The following DPYSL2 variants were observed in gnomAD, a reference collection of about 807,000 sequenced individuals.
DPYSL2 encodes dihydropyrimidinase-related protein 2.
A neutral mutation model predicts 69.9 loss-of-function variants in DPYSL2; 13 were observed. That is an observed-to-expected ratio of 0.19 (90% confidence interval 0.12 to 0.30). The LOEUF (loss-of-function observed/expected upper bound fraction) is 0.30. Among genes scored for constraint, DPYSL2 ranks in the 10% least tolerant of loss-of-function variants. DPYSL2 has a pLI of 1.00. For synonymous variants in DPYSL2, 326 were observed against 359.1 expected, an observed-to-expected ratio of 0.91 and a Z score of 1.04; for missense variants, 587 against 918.9, an observed-to-expected ratio of 0.64 and a Z score of 4.67.
At chr8:26,638,260 T>C (rs1802962174) in intron 8 of DPYSL2, among the ~76,000 whole-genome samples, 1 of 152,146 alleles carries the variant, frequency 6.6e-6, no homozygotes, top group African/African-American at 2.4e-5. Flanking sequence ...GGGGTACAAG[T>C]CAGGAGAGGT....
intron 1 of DPYSL2, among the ~76,000 whole-genome samples, chr8:26,537,629 C>CACACACACAT (rs1298666232): frequency 6.6e-6 from 1 of 151,966 alleles, no homozygotes; most frequent in Non-Finnish European, 1.5e-5. Context: ...CACACACACA[C>CACACACACAT]ACACAACTGT....
rs1248406335 is a variant in DPYSL2 at position 26,619,521 on chromosome 8, C to T, written c.629-4622C>T. 1 of 152,136 alleles carries T rather than the reference C, an allele frequency of 6.6e-6. No homozygotes were observed. The allele number at this position is 152,136 out of a possible 1,614,324, so 9.4% of individuals were successfully genotyped here. A position where few individuals can be genotyped will look rare whatever the true frequency, so the allele number is the denominator to read the frequency against. On this transcript the variant is annotated intron_variant, in intron 3 of 13. Coordinates refer to ENST00000521913, the MANE Select transcript of DPYSL2 (RefSeq NM_001197293.3). The surrounding 1 kb of genome is among the most constrained non-coding windows in gnomAD (Gnocchi z 4.8). ...ATGCTGTTGTGTAGTAAACAGGCCC[C>T]TCGTGGTAAATGGAGAGCAGTGAAT...
In DPYSL2 at chr8:26,643,888, T is replaced by C. The variant is rs1803105943; in HGVS notation, c.1284-62T>C. 18 of 1,557,972 alleles carry C rather than the reference T, an allele frequency of 1.2e-5. 1 individual carries two copies. In the South Asian group the frequency reaches 1.5e-4, roughly 13 times the overall value. ...GCCATTCATGAGACAGCCCACCAAA[T>C]AGGTGTAGGCGCACAGCATCTTGAC... On this transcript the variant is annotated intron_variant, in intron 9 of 13. Coordinates refer to ENST00000521913, the MANE Select transcript of DPYSL2 (RefSeq NM_001197293.3). The surrounding 1 kb of genome is among the most constrained non-coding windows in gnomAD (Gnocchi z 6.5).
intron 3 of DPYSL2, among the ~76,000 whole-genome samples, chr8:26,622,139 TTC>T (rs1563413302): frequency 2.7e-4 from 15 of 55,138 alleles, no homozygotes; most frequent in East Asian, 1.0e-3. Context: ...CCTTCCTTCC[TTC>T]CTTCCTTCCT....
At chr8:26,568,237 G>A (rs912065844) in intron 1 of DPYSL2, among the ~76,000 whole-genome samples, 24 of 152,300 alleles carry the variant, frequency 1.6e-4, no homozygotes, top group African/African-American at 5.3e-4. Context: ...CACTGTGGGG[G>A]TGGAGAGCCC....
chr8:26,565,973 C>T lies in DPYSL2; in HGVS notation c.355-15996C>T, dbSNP rs34342547. Among the ~76,000 whole-genome samples, 15,585 of 152,106 alleles carry T rather than the reference C, an allele frequency of 0.1. 883 individuals are homozygous for T. Among genetic ancestry groups the T allele is most frequent in the Non-Finnish European group, 0.12 (8,238 of 67,992 alleles). Reference sequence around the variant, plus strand: ...CTAGAACTCTGTCACATCTCACTGCCGATGAGGGTGGGAAATGTAGTCCAG... The same window carrying T: ...CTAGAACTCTGTCACATCTCACTGCTGATGAGGGTGGGAAATGTAGTCCAG... On this transcript the variant is annotated intron_variant, in intron 1 of 13. Transcript: ENST00000521913. The surrounding 1 kb of genome is among the most constrained non-coding windows in gnomAD (Gnocchi z 4.1).
intron 3 of DPYSL2, among the ~76,000 whole-genome samples, chr8:26,603,894 A>G (rs1305802942): frequency 6.6e-6 from 1 of 152,232 alleles, no homozygotes; most frequent in Non-Finnish European, 1.5e-5. Context: ...ATTGATAGAT[A>G]CATGGGCTGC....
intron 8 of DPYSL2, among the ~76,000 whole-genome samples, chr8:26,636,268 A>G (rs1490128957): frequency 2.0e-5 from 3 of 152,166 alleles, no homozygotes; most frequent in African/African-American, 7.2e-5. Context: ...GCCTTGGGCC[A>G]CCCAGACACG....
At chr8:26,543,817 G>T (rs1314954103) in intron 1 of DPYSL2, among the ~76,000 whole-genome samples, 2 of 152,218 alleles carry the variant, frequency 1.3e-5, no homozygotes, top group Admixed American at 6.5e-5. Context: ...TACATTGTTT[G>T]CTCAGGGTGT....
chr8:26,516,550 G>A lies in DPYSL2; in HGVS notation c.354+1871G>A, dbSNP rs777017048. Among the ~76,000 whole-genome samples, 5 of 152,142 alleles carry A rather than the reference G, an allele frequency of 3.3e-5. No homozygotes were observed. The highest frequency in any genetic ancestry group is 3.8e-4 in the East Asian group (2 of 5,198). ...CAAGTTTGAAAGGCATAGTTTTATC[G>A]GGTTGAATAACACTTCTTTTTTCTT... On this transcript the variant is annotated intron_variant, in intron 1 of 13. Transcript: ENST00000521913. The surrounding 1 kb of genome is among the most constrained non-coding windows in gnomAD (Gnocchi z 4.8).
At chr8:26,633,596 T>G (rs922689232) in intron 7 of DPYSL2, among the ~76,000 whole-genome samples, 1 of 151,766 alleles carries the variant, frequency 6.6e-6, no homozygotes, top group Non-Finnish European at 1.5e-5. Context: ...GCCTCCTGAG[T>G]AGTTGGAATT....
chr8:26,655,797 G>GTTTT lies in DPYSL2; in HGVS notation c.*99_*102dup. On this transcript the variant is annotated 3_prime_UTR_variant, in exon 14 of 14. Transcript: ENST00000521913. ...TTTCTTCCTTCCTTTTTTTTTTTTT[G>GTTTT]TTTTTTTTTTTAAGAGCCTGTGATA... 1.3e-6 allele frequency: 1 copy of GTTTT among 785,358 alleles called. No individual in the cohort carries two copies. Among genetic ancestry groups the GTTTT allele is most frequent in the Non-Finnish European group, 1.7e-6 (1 of 574,124 alleles). 48.6% of individuals were successfully genotyped at this position (785,358 alleles called of 1,614,324 possible).
At chr8:26,629,242 A>G (rs1020789363) in intron 7 of DPYSL2, among the ~76,000 whole-genome samples, 15 of 152,122 alleles carry the variant, frequency 9.9e-5, no homozygotes, top group Non-Finnish European at 1.9e-4. Context: ...ATAGACACAC[A>G]TGCATACACA....
chr8:26,565,087 T>C lies in DPYSL2; in HGVS notation c.355-16882T>C, dbSNP rs1214929735. ...TGGCTTCCAGCTCCACCCGAATTAC[T>C]GCAAAAGATATTATATCATTCTTTA... On this transcript the variant is annotated intron_variant, in intron 1 of 13. Transcript: ENST00000521913. This position sits in a 1 kb window ranked among gnomAD's most constrained non-coding sequence, Gnocchi z 4.1. Among the ~76,000 whole-genome samples the C allele has an allele frequency of 6.6e-6, 1 of 152,220 alleles. No individual in the cohort carries two copies. The highest frequency in any genetic ancestry group is 1.5e-5 in the Non-Finnish European group (1 of 68,046).
In DPYSL2 at chr8:26,593,992, C is replaced by T. The variant is rs146323255; in HGVS notation, c.628+10009C>T. On this transcript the variant is annotated intron_variant, in intron 3 of 13. Coordinates refer to ENST00000521913, the MANE Select transcript of DPYSL2 (RefSeq NM_001197293.3). This position sits in a 1 kb window ranked among gnomAD's most constrained non-coding sequence, Gnocchi z 5.7. ...CAGCCATTCACCTCCTTCCCAGCCC[C>T]GCTCCCACAGCTGGGCACGGTTTAT... 5.3e-5 allele frequency among the ~76,000 whole-genome samples: 8 copies of T among 152,266 alleles called. No homozygotes were observed. Among genetic ancestry groups the T allele is most frequent in the African/African-American group, 1.7e-4 (7 of 41,552 alleles).
chr8:26,623,288 C>G (rs1802539197), intron 3 of DPYSL2, among the ~76,000 whole-genome samples: 1 of 152,132 alleles, frequency 6.6e-6, no homozygotes, highest in South Asian at 2.1e-4. Flanking sequence ...TTTTGCAAAC[C>G]TTACTGGGGA....
rs1764345626 is a variant in DPYSL2 at position 26,586,407 on chromosome 8, A to G, written c.628+2424A>G. ...CAAGTACATGTTGCTCAGCAGATAC[A>G]GAAAGTCCCTGTTTTCTCTCACACT... is the stretch of plus-strand genomic sequence containing the variant. On this transcript the variant is annotated intron_variant, in intron 3 of 13. Coordinates refer to ENST00000521913, the MANE Select transcript of DPYSL2 (RefSeq NM_001197293.3). The surrounding 1 kb of genome is among the most constrained non-coding windows in gnomAD (Gnocchi z 4.7). Among the ~76,000 whole-genome samples, 1 of 152,220 alleles carries G rather than the reference A, an allele frequency of 6.6e-6. No individual in the cohort carries two copies. The highest frequency in any genetic ancestry group is 2.4e-5 in the African/African-American group (1 of 41,452).
At chr8:26,551,648 A>G (rs1032962377) in intron 1 of DPYSL2, among the ~76,000 whole-genome samples, 3 of 152,210 alleles carry the variant, frequency 2.0e-5, no homozygotes, top group East Asian at 1.9e-4. Context: ...TCAAGCTTAC[A>G]TGGGACATGG....
chr8:26,588,323 A>C lies in DPYSL2; in HGVS notation c.628+4340A>C, dbSNP rs1472344228. 1.3e-5 allele frequency among the ~76,000 whole-genome samples: 2 copies of C among 152,196 alleles called. No individual in the cohort carries two copies. The highest frequency in any genetic ancestry group is 4.8e-5 in the African/African-American group (2 of 41,450). On this transcript the variant is annotated intron_variant, in intron 3 of 13. Transcript: ENST00000521913. This position sits in a 1 kb window ranked among gnomAD's most constrained non-coding sequence, Gnocchi z 5.4. The stretch of plus-strand genomic sequence containing the variant: ...TGTTGCTTCTGGGGGCGGCATCTTG[A>C]AACATTACACTTCCTGGGTCCCACC...
Sources: gnomAD v4.1 joint callset for allele counts (sites outside exome capture counted in the v4.1 genomes callset) on GRCh38, gnomAD v4.1.1 for gene constraint, Gnocchi (gnomAD v3.1) non-coding constraint, MANE v1.5 for transcripts, NCBI Gene and HGNC (gene_info 2026-07-23, HGNC 2026-07-21) for gene names.